The following SLTM variants were observed in gnomAD, a reference collection of about 807,000 sequenced individuals.
The protein encoded by SLTM is SAFB-like transcription modulator.
In SLTM, 43 loss-of-function variants were observed where a neutral mutation model predicts 134.6. The observed-to-expected ratio is 0.32, with a 90% CI of 0.25 to 0.41. The LOEUF is 0.41. SLTM is among the 10% of genes least tolerant of loss of function. SLTM has a pLI of 1.00. For synonymous variants in SLTM, 424 were observed against 432.3 expected, an observed-to-expected ratio of 0.98 and a Z score of 0.24; for missense variants, 1,055 against 1,288.8, an observed-to-expected ratio of 0.82 and a Z score of 2.78.
intron 2 of SLTM, among the ~76,000 whole-genome samples, chr15:58,930,088 G>C (rs1415088909): frequency 6.6e-6 from 1 of 151,790 alleles, no homozygotes; most frequent in Admixed American, 6.6e-5. Context: ...CTTAGAATGA[G>C]GCCTGCTACA....
At position 58,883,685 on chromosome 15, in the gene SLTM, A is replaced by G. The variant is rs759220744; in HGVS notation, c.2937T>C (p.His979=). The change falls in exon 20 of 21, where the codon CAT becomes CAC. Residue 979 remains histidine (H), a synonymous_variant. Coordinates refer to ENST00000380516, the MANE Select transcript of SLTM (RefSeq NM_024755.4). ...GGCCGTCACCCATTCGCCTCGTATC[A>G]TGATAGCTAGGCCCTTGAGAGGGTG... is the stretch of plus-strand genomic sequence containing the variant. ...HGPPSQGPSY[H]DTRRMGDGRA... is the part of the protein sequence containing the mutation. 6.2e-7 allele frequency: 1 copy of G among 1,614,198 alleles called. No homozygotes were observed. The highest frequency in any genetic ancestry group is 1.7e-5 in the Admixed American group (1 of 60,022).
intron 2 of SLTM, 129 bp downstream of exon 2, chr15:58,932,227 C>A: frequency 1.4e-6 from 1 of 700,066 alleles, no homozygotes; most frequent in African/African-American, 1.8e-5. Flanking sequence ...CTTCCTTGAC[C>A]CAAGAAGGCA....
intron 2 of SLTM, among the ~76,000 whole-genome samples, chr15:58,925,183 G>T (rs1275048384): frequency 6.6e-6 from 1 of 151,610 alleles, no homozygotes; most frequent in African/African-American, 2.4e-5. Flanking sequence ...CTTCCCAATT[G>T]CATGGAGTAT....
At chr15:58,909,985 A>G (rs2036145249) in intron 5 of SLTM, among the ~76,000 whole-genome samples, 1 of 152,248 alleles carries the variant, frequency 6.6e-6, no homozygotes, top group Non-Finnish European at 1.5e-5. Context: ...CAATCACAAC[A>G]TACAGATCTT....
intron 6 of SLTM, chr15:58,900,817 G>C (rs1253012051): frequency 5.9e-6 from 1 of 169,236 alleles, no homozygotes; most frequent in African/African-American, 2.4e-5. Flanking sequence ...CGACTGTATG[G>C]AAGTTTCTCT....
In SLTM at chr15:58,933,620, C is replaced by T. The variant is rs1480834184; in HGVS notation, c.-55G>A. 13 of 1,471,034 alleles carry T rather than the reference C, an allele frequency of 8.8e-6. No homozygotes were observed. In the Admixed American group the frequency reaches 2.8e-4, roughly 32 times the overall value. The allele number at this position is 1,471,034 out of a possible 1,614,324, so 91.1% of individuals were successfully genotyped here. ...CGAGTGGGCTGCAGGGCGGCGGCAG[C>T]AGCGCCAACTTCCACCCAGGCCTCG... On this transcript the variant is annotated 5_prime_UTR_variant, in exon 1 of 21. Transcript: ENST00000380516.
At chr15:58,896,735 T>A (rs548575742) in intron 9 of SLTM, among the ~76,000 whole-genome samples, 1 of 152,170 alleles carries the variant, frequency 6.6e-6, no homozygotes, top group African/African-American at 2.4e-5. Context: ...CAGGCCCCCG[T>A]GAATTATGTA....
At chr15:58,880,377 CAGTTG>C (rs1262559963) in intron 20 of SLTM, among the ~76,000 whole-genome samples, 1 of 152,090 alleles carries the variant, frequency 6.6e-6, no homozygotes, top group African/African-American at 2.4e-5. Flanking sequence ...CTTCAGAAGC[CAGTTG>C]TGGATCTGCA....
intron 5 of SLTM, among the ~76,000 whole-genome samples, chr15:58,909,626 G>C (rs74017309): frequency 2.0e-5 from 3 of 152,192 alleles, no homozygotes; most frequent in Non-Finnish European, 2.9e-5. Flanking sequence ...AAGACAACCA[G>C]ATATTATGTG....
intron 5 of SLTM, among the ~76,000 whole-genome samples, chr15:58,911,106 C>A (rs1448410553): frequency 2.0e-5 from 3 of 152,138 alleles, no homozygotes; most frequent in African/African-American, 7.2e-5. Context: ...AGACTTTCAC[C>A]ATTCTAATAT....
chr15:58,921,583 AT>A (rs778685598), intron 2 of SLTM: 72 of 446,044 alleles, frequency 1.6e-4, no homozygotes, highest in Non-Finnish European at 2.6e-4. Context: ...TCAGCTTGTA[AT>A]CTTAAAAGAC....
Position 58,894,169 on chromosome 15 carries a change from C to T in SLTM, c.1402G>A (p.Glu468Lys). The part of the protein sequence containing the change: ...EKVKGDPSKK[E>K]MKKENDEKSS... The stretch of plus-strand genomic sequence containing the variant: ...TTTTCATCATTTTCTTTCTTCATTT[C>T]TTTCTTAGAGGGATCACCTTTTACC... Residue 468 changes from glutamate (E) to lysine (K), a missense_variant, in exon 11 of 21, where the codon GAA (glutamate) becomes AAA (lysine). This residue lies in a region of SLTM where 776 missense variants were observed against 962.2 expected (regional missense o/e 0.81). Transcript: ENST00000380516. 6.2e-7 allele frequency: 1 copy of T among 1,611,222 alleles called. No individual in the cohort carries two copies. Among genetic ancestry groups the T allele is most frequent in the African/African-American group, 1.3e-5 (1 of 74,884 alleles).
chr15:58,906,604 A>C (rs1253169656), intron 5 of SLTM, among the ~76,000 whole-genome samples: 11 of 152,138 alleles, frequency 7.2e-5, no homozygotes, highest in African/African-American at 2.7e-4. Flanking sequence ...AAGCAAGAAG[A>C]CCTCCTTTCC....
chr15:58,899,208 GAAA>G lies in SLTM; in HGVS notation c.1058+258_1058+260del, dbSNP rs375305679. On this transcript the variant is annotated intron_variant, in intron 7 of 20. Transcript: ENST00000380516. The surrounding 1 kb of genome is among the most constrained non-coding windows in gnomAD (Gnocchi z 5.0). ...TAAAACACAAAAAAATTGTCAATTTGAAAAAAAAAAACAAAAAACAAAAAACAA... is the reference window on the plus strand; with the variant it reads ...TAAAACACAAAAAAATTGTCAATTTGAAAAAAAACAAAAAACAAAAAACAA... The G allele has an allele frequency of 3.1e-3, 1,097 of 350,346 alleles. 31 individuals are homozygous for G. The East Asian group carries it at 0.048, about 15-fold the overall frequency. The allele number at this position is 350,346 out of a possible 1,614,324, so 21.7% of individuals were successfully genotyped here.
Position 58,887,118 on chromosome 15 carries a change from C to T in SLTM, c.2692G>A (p.Val898Ile). The T allele has an allele frequency of 1.9e-6, 3 of 1,614,052 alleles. No individual in the cohort carries two copies. Among genetic ancestry groups the T allele is most frequent in the Admixed American group, 3.3e-5 (2 of 60,004 alleles). ...CTCCCAGATCGTTCTGGCCTTTCAACTCTGTTAAACAAAACATAAAAACAT... is the reference window on the plus strand; with the variant it reads ...CTCCCAGATCGTTCTGGCCTTTCAATTCTGTTAAACAAAACATAAAAACAT... ...SMSTDKRETRVERPERSGREV... is the reference protein window; with the variant it reads ...SMSTDKRETRIERPERSGREV... Residue 898 changes from valine to isoleucine, a missense_variant and splice_region_variant, in exon 19 of 21, where the codon GTT becomes ATT. Transcript: ENST00000380516.
intron 4 of SLTM, 34 bp downstream of exon 4, chr15:58,913,465 C>CTG (rs1284190743): frequency 6.7e-7 from 1 of 1,487,462 alleles, no homozygotes; most frequent in South Asian, 1.3e-5. Context: ...CTTAATTTAT[C>CTG]TGTGTCATGT....
chr15:58,902,247 T>C (rs144108597), intron 5 of SLTM, among the ~76,000 whole-genome samples: 64 of 152,306 alleles, frequency 4.2e-4, no homozygotes, highest in African/African-American at 1.4e-3. Context: ...AGAATCATTT[T>C]ATTTTTTAGA....
intron 2 of SLTM, among the ~76,000 whole-genome samples, chr15:58,920,576 T>G (rs564675234): frequency 6.6e-6 from 1 of 150,830 alleles, no homozygotes; most frequent in South Asian, 2.1e-4. Context: ...TGAGCCAAGA[T>G]AGCAACGCAG....
At chr15:58,903,535 T>C (rs2035637845) in intron 5 of SLTM, among the ~76,000 whole-genome samples, 1 of 104,588 alleles carries the variant, frequency 9.6e-6, no homozygotes, top group Non-Finnish European at 1.8e-5. Flanking sequence ...CTTAAGAATG[T>C]GCATCTGACG....
Sources: allele counts gnomAD v4.1 joint callset (sites outside exome capture counted in the v4.1 genomes callset), GRCh38; gene constraint gnomAD v4.1.1; regional missense constraint gnomAD v4.1.1; non-coding constraint Gnocchi (gnomAD v3.1); transcripts MANE v1.5; gene names NCBI Gene and HGNC (gene_info 2026-07-23, HGNC 2026-07-21).